Variants in MYO1C observed in about 807,000 individuals in gnomAD.
MYO1C encodes the protein unconventional myosin-Ic.
MYO1C carries 104 observed loss-of-function variants against 150.8 expected under a neutral mutation model. That is an observed-to-expected ratio of 0.69 (90% CI 0.59 to 0.81). The LOEUF is 0.81. Among genes scored for constraint, MYO1C ranks in the 30% least tolerant of loss-of-function variants. The pLI, the probability that MYO1C is intolerant of heterozygous loss-of-function variation, is 0.00. For missense variants in MYO1C, 1,504 were observed against 1,435.0 expected, an observed-to-expected ratio of 1.05 and a Z score of -0.78; for synonymous variants, 663 against 579.9, an observed-to-expected ratio of 1.14 and a Z score of -2.06.
At position 1,482,973 on chromosome 17, in the gene MYO1C, C is replaced by T. The variant is rs1254719045; in HGVS notation, c.434G>A (p.Gly145Asp). The part of the protein sequence containing the change: ...AVMISGESGA[G>D]KTEATKRLLQ... ...CAGCCTCTTGGTGGCCTCGGTCTTG[C>T]CTGCCCCGCTCTCCCCAGAGATCAT... Residue 145 changes from glycine to aspartate, a missense_variant, in exon 4 of 32, where the codon GGC becomes GAC. Gly to Asp is a moderately conservative substitution (Grantham distance 94, BLOSUM62 -1). Coordinates refer to ENST00000648651, the MANE Select transcript of MYO1C (RefSeq NM_001080779.2). The T allele has an allele frequency of 2.5e-6, 4 of 1,612,532 alleles. No individual in the cohort carries two copies. Among genetic ancestry groups the T allele is most frequent in the Non-Finnish European group, 2.5e-6 (3 of 1,179,910 alleles).
At chr17:1,472,076 C>G (rs751552103) in intron 18 of MYO1C, 47 bp downstream of exon 18, 2 of 1,612,932 alleles carry the variant, frequency 1.2e-6, no homozygotes, top group South Asian at 2.2e-5. Context: ...CGGCCTGTCT[C>G]CTGCAGGGGA....
rs370803118 is a variant in MYO1C, at chr17:1,472,208, C to T, written c.1818G>A (p.Met606Ile). 3 of 1,614,026 alleles carry T rather than the reference C, an allele frequency of 1.9e-6. No individual in the cohort carries two copies. The highest frequency in any genetic ancestry group is 2.5e-6 in the Non-Finnish European group (3 of 1,180,016). ...RPETVATQFK[M>I]SLLQLVEILQ... ...GGATCTCCACCAGCTGCAGGAGGCT[C>T]ATCTTGAACTGGGTGGCGACCTGGC... The change falls in exon 18 of 32, where the codon ATG becomes ATA. Residue 606 changes from methionine (M) to isoleucine (I), a missense_variant. Coordinates refer to ENST00000648651, the MANE Select transcript of MYO1C (RefSeq NM_001080779.2).
rs2074641670 is a variant in MYO1C, at chr17:1,485,755, G to A, written c.76-1452C>T. The A allele has an allele frequency of 1.3e-5, 14 of 1,094,296 alleles. No homozygotes were observed. In the East Asian group the frequency reaches 7.9e-4, roughly 62 times the overall value. The allele number at this position is 1,094,296 out of a possible 1,614,324, so 67.8% of individuals were successfully genotyped here. A position where few individuals can be genotyped will look rare whatever the true frequency, so the allele number is the denominator to read the frequency against. ...CGCCCGCTCCGCTGCCCGCGCTCCG[G>A]GTCCCGGGCTCGGCGGCGGTGGCGG... On this transcript the variant is annotated intron_variant, in intron 1 of 31. Coordinates refer to ENST00000648651, the MANE Select transcript of MYO1C (RefSeq NM_001080779.2).
At position 1,468,029 on chromosome 17, in the gene MYO1C, T is replaced by G; in HGVS notation, c.2855A>C (p.Asp952Ala). 1 of 1,612,514 alleles carries G rather than the reference T, an allele frequency of 6.2e-7. No individual in the cohort carries two copies. The change falls in exon 28 of 32, where the codon GAC (aspartate) becomes GCC (alanine). Residue 952 changes from aspartate to alanine, a missense_variant. Coordinates refer to ENST00000648651, the MANE Select transcript of MYO1C (RefSeq NM_001080779.2). ...LTPNAVVIVE[D>A]AKVKQRIDYA... ...ATCAATCCTCTGCTTGACTTTGGCG[T>G]CCTCCACGATGACGACGGCGTTGGG...
At chr17:1,468,786 A>G (rs1308352995) in intron 25 of MYO1C, 2 of 520,420 alleles carry the variant, frequency 3.8e-6, no homozygotes, top group Non-Finnish European at 7.0e-6. Flanking sequence ...CCTGAGACTC[A>G]GCTCCAGCTT....
Position 1,482,919 on chromosome 17 carries a change from G to A in MYO1C, c.488C>T (p.Ala163Val), listed in dbSNP as rs1168181981. ...LLQFYAETCP[A>V]PERGGAVRDR... ...CCGCACGGCACCTCCGCGCTCGGGG[G>A]CTGGGCAGGTCTCTGCATAGAACTG... The change falls in exon 4 of 32, where the codon GCC becomes GTC. Residue 163 changes from alanine to valine, a missense_variant. By Grantham distance (64) the Ala-to-Val change is moderately conservative. Coordinates refer to ENST00000648651, the MANE Select transcript of MYO1C (RefSeq NM_001080779.2). 34 of 1,575,274 alleles carry A rather than the reference G, an allele frequency of 2.2e-5. No homozygotes were observed. Among genetic ancestry groups the A allele is most frequent in the African/African-American group, 3.0e-5 (2 of 67,052 alleles).
chr17:1,468,350 G>A (rs750191403), intron 26 of MYO1C, 42 bp from the exon 27 acceptor site: 4 of 1,613,708 alleles, frequency 2.5e-6, no homozygotes, highest in Non-Finnish European at 3.4e-6. Context: ...TGGAGGCAAT[G>A]GGGGACCAGG....
intron 25 of MYO1C, chr17:1,469,291 T>C: frequency 1.8e-6 from 1 of 553,188 alleles, no homozygotes; most frequent in Non-Finnish European, 3.3e-6. Flanking sequence ...TAGACTGGGG[T>C]AAATACGGTA....
At chr17:1,487,062 T>C (rs2074669613) in intron 1 of MYO1C, 1 of 152,454 alleles carries the variant, frequency 6.6e-6, no homozygotes, top group Non-Finnish European at 1.5e-5. Context: ...ACGTTTCGGC[T>C]TCTGTTCTTC....
At position 1,472,036 on chromosome 17, in the gene MYO1C, G is replaced by A. The variant is rs1435739039; in HGVS notation, c.1904-12C>T. 1.2e-6 allele frequency: 2 copies of A among 1,613,674 alleles called. No individual in the cohort carries two copies. Among genetic ancestry groups the A allele is most frequent in the East Asian group, 2.2e-5 (1 of 44,890 alleles). ...CTCGTCAAAGCGGCCTGGGGTAGGG[G>A]GAGCGCCGTGGTCAGCGGGCTGGCG... On this transcript the variant is annotated splice_polypyrimidine_tract_variant and intron_variant, in intron 18 of 31. Coordinates refer to ENST00000648651, the MANE Select transcript of MYO1C (RefSeq NM_001080779.2).
At chr17:1,472,967 G>A (rs569639622) in intron 17 of MYO1C, among the ~76,000 whole-genome samples, 2 of 152,292 alleles carry the variant, frequency 1.3e-5, no homozygotes, top group East Asian at 1.9e-4. Flanking sequence ...TTGGGAGGCC[G>A]AGGCGGGCGG....
chr17:1,465,763 GGA>G lies in MYO1C; in HGVS notation c.3166-13_3166-12del. ...CAGCCGTGGGGCGACCTGTGGGGGC[GGA>G]GAGAGACGGCCAAGTGGTGAGGGGA... On this transcript the variant is annotated splice_polypyrimidine_tract_variant and intron_variant, in intron 31 of 31. Coordinates refer to ENST00000648651, the MANE Select transcript of MYO1C (RefSeq NM_001080779.2). 6.8e-6 allele frequency: 9 copies of G among 1,319,932 alleles called. No individual in the cohort carries two copies. Among genetic ancestry groups the G allele is most frequent in the Non-Finnish European group, 8.8e-6 (9 of 1,025,358 alleles). 81.8% of individuals were successfully genotyped at this position (1,319,932 alleles called of 1,614,324 possible).
At position 1,478,200 on chromosome 17, in the gene MYO1C, G is replaced by T; in HGVS notation, c.1296-8C>A. On this transcript the variant is annotated splice_polypyrimidine_tract_variant and splice_region_variant and intron_variant, in intron 11 of 31. Transcript: ENST00000648651. The surrounding 1 kb of genome is among the most constrained non-coding windows in gnomAD (Gnocchi z 6.3). ...ATGCAGAACTGCTCAAAGCTGTAAG[G>T]AAGGAGAAGAGCCCACAGTGGCTCA... The T allele has an allele frequency of 6.2e-7, 1 of 1,613,106 alleles. No individual in the cohort carries two copies.
In MYO1C at chr17:1,478,406, C is replaced by G; in HGVS notation, c.1295+4G>C. ...AGGAGAGACGGGGGAAAGATGGCAC[C>G]GACCTGTTATGCTGAAACACTTCAA... On this transcript the variant is annotated splice_donor_region_variant and intron_variant, in intron 11 of 31. Transcript: ENST00000648651. This position sits in a 1 kb window ranked among gnomAD's most constrained non-coding sequence, Gnocchi z 6.3. 1 of 1,614,092 alleles carries G rather than the reference C, an allele frequency of 6.2e-7. No homozygotes were observed. The highest frequency in any genetic ancestry group is 8.5e-7 in the Non-Finnish European group (1 of 1,179,988).
Position 1,471,149 on chromosome 17 carries a change from T to C in MYO1C, c.2136-2A>G. ...GGGAAGCGGATGAAGATCTTGGTCC[T>C]GGGAGAGCAGTAGTGATCAGCCCGG... On this transcript the variant is annotated splice_acceptor_variant, in intron 20 of 31. Coordinates refer to ENST00000648651, the MANE Select transcript of MYO1C (RefSeq NM_001080779.2). LOFTEE classifies it high-confidence loss of function. 1.2e-6 allele frequency: 2 copies of C among 1,614,148 alleles called. No individual in the cohort carries two copies. The highest frequency in any genetic ancestry group is 1.7e-6 in the Non-Finnish European group (2 of 1,180,008).
rs151123320 is a variant in MYO1C, at chr17:1,480,470, A to G, written c.906+57T>C. 1.9e-3 allele frequency: 2,710 copies of G among 1,448,526 alleles called. 52 individuals carry two copies. The African/African-American group carries it at 0.032, about 17-fold the overall frequency. The allele number at this position is 1,448,526 out of a possible 1,614,324, so 89.7% of individuals were successfully genotyped here. On this transcript the variant is annotated intron_variant, in intron 7 of 31. Transcript: ENST00000648651. ...TCTCAAAAAATAAAAAACAAAAAAA[A>G]AAGGAGATTTTGGGGGTGTGACAGG...
intron 1 of MYO1C, 189 bp from the exon 2 acceptor site, chr17:1,484,492 G>C: frequency 1.5e-6 from 1 of 681,716 alleles, no homozygotes; most frequent in South Asian, 1.8e-5. Flanking sequence ...GGTGCGGAAA[G>C]CCGGGTGTGG....
Position 1,470,300 on chromosome 17 carries a change from G to C in MYO1C, c.2401C>G (p.Arg801Gly). ...IRGFVLRHAPRCPENAFFLDH... is the reference protein window; with the variant it reads ...IRGFVLRHAPGCPENAFFLDH... ...AGGAAGAAGGCGTTCTCGGGGCAGC[G>C]GGGGGCGTGGCGCAGGACGAAGCCT... Residue 801 changes from arginine to glycine, a missense_variant, in exon 24 of 32, where the codon CGC becomes GGC. Coordinates refer to ENST00000648651, the MANE Select transcript of MYO1C (RefSeq NM_001080779.2). 2 of 1,574,494 alleles carry C rather than the reference G, an allele frequency of 1.3e-6. No homozygotes were observed. Among genetic ancestry groups the C allele is most frequent in the Non-Finnish European group, 1.7e-6 (2 of 1,160,286 alleles).
At chr17:1,474,900 C>A in intron 15 of MYO1C, 38 bp downstream of exon 15, 1 of 1,612,750 alleles carries the variant, frequency 6.2e-7, no homozygotes, top group Non-Finnish European at 8.5e-7. Context: ...AGAGCCTCCC[C>A]GCAGGCCCCT....
Sources: allele counts gnomAD v4.1 joint callset (sites outside exome capture counted in the v4.1 genomes callset), GRCh38; gene constraint gnomAD v4.1.1; non-coding constraint Gnocchi (gnomAD v3.1); transcripts MANE v1.5; gene names NCBI Gene and HGNC (gene_info 2026-07-23, HGNC 2026-07-21).